The following CDH13 variants were observed in gnomAD, a reference collection of about 807,000 sequenced individuals.
The protein encoded by CDH13 is cadherin-13.
Under a neutral mutation model 63.8 loss-of-function variants are expected in CDH13, and 24 were observed. The observed-to-expected ratio is 0.38, with a 90% confidence interval of 0.27 to 0.53. The LOEUF (loss-of-function observed/expected upper bound fraction) is 0.53, where lower values mean the gene tolerates loss of function less well. Among genes scored for constraint, CDH13 ranks in the 20% least tolerant of loss-of-function variants. The pLI is 0.85. For missense variants in CDH13, 1,049 were observed against 903.1 expected, an observed-to-expected ratio of 1.16 and a Z score of -2.07; for synonymous variants, 503 against 355.3, an observed-to-expected ratio of 1.42 and a Z score of -4.67.
chr16:82,644,400 T>C lies in CDH13; in HGVS notation c.45+17263T>C, dbSNP rs1909823583. On this transcript the variant is annotated intron_variant, in intron 1 of 13. Coordinates refer to ENST00000567109, the MANE Select transcript of CDH13 (RefSeq NM_001257.5). The surrounding 1 kb of genome is among the most constrained non-coding windows in gnomAD (Gnocchi z 5.7). The stretch of plus-strand genomic sequence containing the variant: ...GGAGTTCCTTTGATTCTCAGGTCCC[T>C]TAACCATGGAACGTACTCCTGTCTG... Among the ~76,000 whole-genome samples the C allele has an allele frequency of 6.6e-6, 1 of 152,130 alleles. No individual in the cohort carries two copies. Among genetic ancestry groups the C allele is most frequent in the Non-Finnish European group, 1.5e-5 (1 of 68,032 alleles).
intron 4 of CDH13, among the ~76,000 whole-genome samples, chr16:83,193,975 C>T (rs902412502): frequency 3.9e-4 from 59 of 152,196 alleles, no homozygotes; most frequent in African/African-American, 1.4e-3. Flanking sequence ...CTCATCCCCA[C>T]AATACGAGGA....
chr16:83,765,904 G>T (rs1399743890), intron 11 of CDH13, among the ~76,000 whole-genome samples: 2 of 152,062 alleles, frequency 1.3e-5, no homozygotes, highest in African/African-American at 2.4e-5. Context: ...GACATAAGAG[G>T]CCTGGCATGT....
intron 1 of CDH13, among the ~76,000 whole-genome samples, chr16:82,670,340 C>T (rs1013269824): frequency 2.6e-5 from 4 of 152,188 alleles, no homozygotes; most frequent in East Asian, 1.9e-4. Context: ...CAATTTAGAG[C>T]GATTTCTTTC....
chr16:83,121,519 A>G (rs1390755732), intron 3 of CDH13, among the ~76,000 whole-genome samples: 1 of 152,184 alleles, frequency 6.6e-6, no homozygotes, highest in Non-Finnish European at 1.5e-5. Flanking sequence ...AGTAGTTTAG[A>G]GTAGTGATGG....
At chr16:82,786,725 A>T (rs565739351) in intron 1 of CDH13, among the ~76,000 whole-genome samples, 9 of 139,130 alleles carry the variant, frequency 6.5e-5, no homozygotes, top group Non-Finnish European at 1.1e-4. Context: ...TCATTGTTCA[A>T]TTCCCACCTA....
chr16:82,746,212 CTGTTTATATATATG>C (rs1312138410), intron 1 of CDH13, among the ~76,000 whole-genome samples: 2 of 87,176 alleles, frequency 2.3e-5, no homozygotes, highest in African/African-American at 6.4e-5. Context: ...TATAAACACA[CTGTTTATATATATG>C]TGTTTATATA....
At chr16:83,273,552 G>T (rs991967352) in intron 5 of CDH13, among the ~76,000 whole-genome samples, 1 of 152,142 alleles carries the variant, frequency 6.6e-6, no homozygotes, top group Non-Finnish European at 1.5e-5. Context: ...AAAAAAGAAC[G>T]AGATCATGTC....
chr16:83,634,066 C>T (rs920492867), intron 8 of CDH13, among the ~76,000 whole-genome samples: 1 of 151,830 alleles, frequency 6.6e-6, no homozygotes, highest in Non-Finnish European at 1.5e-5. Flanking sequence ...CATGTGGGCA[C>T]AATACTATTA....
rs150344850 is a variant in CDH13, at chr16:82,930,242, G to A, written c.157+71769G>A. 5.3e-5 allele frequency among the ~76,000 whole-genome samples: 8 copies of A among 152,068 alleles called. No individual in the cohort carries two copies. The East Asian group carries it at 1.4e-3, about 26-fold the overall frequency. On this transcript the variant is annotated intron_variant, in intron 2 of 13. Transcript: ENST00000567109. ...TTCACCTGCCTCTGCCTCCCAAACT[G>A]CTGGGATTACAAGCATGAGCCGCTA...
intron 1 of CDH13, among the ~76,000 whole-genome samples, chr16:82,673,010 T>TTTTTTTTC (rs1567612695): frequency 2.2e-5 from 3 of 134,420 alleles, no homozygotes; most frequent in South Asian, 2.5e-4. Context: ...TTTTTTTTTT[T>TTTTTTTTC]TTTTTTTTTG....
chr16:83,102,965 T>TTTTTTTTTTTTTTTTTTTTTTTTTC (rs2034570357), intron 3 of CDH13, among the ~76,000 whole-genome samples: 5 of 107,838 alleles, frequency 4.6e-5, no homozygotes, highest in Non-Finnish European at 7.3e-5. Context: ...TTTTTTTTTT[T>TTTTTTTTTTTTTTTTTTTTTTTTTC]TTTTTGAGGT....
intron 6 of CDH13, among the ~76,000 whole-genome samples, chr16:83,462,030 T>C (rs2073195007): frequency 6.6e-6 from 1 of 152,254 alleles, no homozygotes; most frequent in Non-Finnish European, 1.5e-5. Context: ...TTCGTGGCTC[T>C]CATGAGTCTA....
At chr16:83,179,569 G>T (rs947221638) in intron 4 of CDH13, among the ~76,000 whole-genome samples, 5 of 151,496 alleles carry the variant, frequency 3.3e-5, no homozygotes, top group Admixed American at 2.0e-4. Flanking sequence ...GGGGAATGGA[G>T]TGAACCCGGG....
chr16:82,807,099 T>C lies in CDH13; in HGVS notation c.46-51263T>C, dbSNP rs554282816. Among the ~76,000 whole-genome samples, 39 of 152,060 alleles carry C rather than the reference T, an allele frequency of 2.6e-4. 1 individual carries two copies. The highest frequency in any genetic ancestry group is 9.2e-4 in the African/African-American group (38 of 41,498). ...AGTTGGGATCATGCCTTTTTTTTTT[T>C]TTTTCTTAAGAAAAAACTTAAATTG... On this transcript the variant is annotated intron_variant, in intron 1 of 13. Coordinates refer to ENST00000567109, the MANE Select transcript of CDH13 (RefSeq NM_001257.5).
intron 1 of CDH13, among the ~76,000 whole-genome samples, chr16:82,731,481 C>A (rs1358892344): frequency 6.6e-6 from 1 of 152,152 alleles, no homozygotes; most frequent in African/African-American, 2.4e-5. Context: ...CCCCCCAGAA[C>A]ACAGGACATA....
intron 2 of CDH13, among the ~76,000 whole-genome samples, chr16:82,890,439 C>A (rs1011884272): frequency 6.6e-6 from 1 of 152,146 alleles, no homozygotes; most frequent in African/African-American, 2.4e-5. Context: ...AAAACGATTC[C>A]TTTGCTAGAG....
rs114948680 is a variant in CDH13 at position 83,141,075 on chromosome 16, C to G, written c.483+15574C>G. 4.3e-3 allele frequency among the ~76,000 whole-genome samples: 657 copies of G among 152,334 alleles called. 4 individuals are homozygous for G. Among genetic ancestry groups the G allele is most frequent in the African/African-American group, 0.015 (623 of 41,568 alleles). On this transcript the variant is annotated intron_variant, in intron 4 of 13. Transcript: ENST00000567109. ...TGTTGCAGAGGAATCCACCTTGAAG[C>G]TATGAATACTTTTTTGTTGTATTTA... is the stretch of plus-strand genomic sequence containing the variant.
chr16:83,594,888 T>C (rs534253037), intron 7 of CDH13, among the ~76,000 whole-genome samples: 18 of 152,330 alleles, frequency 1.2e-4, no homozygotes, highest in African/African-American at 4.3e-4. Flanking sequence ...AGATGAGATG[T>C]TTGCTTTTCA....
chr16:82,710,832 C>G (rs1368400894), intron 1 of CDH13, among the ~76,000 whole-genome samples: 1 of 149,862 alleles, frequency 6.7e-6, no homozygotes, highest in Non-Finnish European at 1.5e-5. Context: ...TACACAAATA[C>G]TTTTATACAT....
Sources: allele counts gnomAD v4.1 joint callset (sites outside exome capture counted in the v4.1 genomes callset), GRCh38; gene constraint gnomAD v4.1.1; non-coding constraint Gnocchi (gnomAD v3.1); transcripts MANE v1.5; gene names NCBI Gene and HGNC (gene_info 2026-07-23, HGNC 2026-07-21).